Variants in GPC6 observed in about 807,000 individuals in gnomAD.
GPC6 encodes glypican-6.
In GPC6, 14 loss-of-function variants were observed where a neutral mutation model predicts 55.2. That is an observed-to-expected ratio of 0.25 (90% CI 0.17 to 0.40). GPC6 has a LOEUF of 0.40. Ranked by LOEUF, GPC6 falls within the 10% of genes least tolerant of loss-of-function variation. The probability of loss-of-function intolerance (pLI) is 1.00; values close to 1 mark genes in which losing one functional copy is unlikely to be tolerated. For synonymous variants in GPC6, 278 were observed against 259.6 expected (o/e 1.07, Z -0.68); for missense variants, 641 against 708.5 (o/e 0.90, Z 1.08).
intron 4 of GPC6, among the ~76,000 whole-genome samples, chr13:94,207,894 A>C (rs374169834): frequency 6.6e-6 from 1 of 152,176 alleles, no homozygotes; most frequent in Non-Finnish European, 1.5e-5. Flanking sequence ...CTTTTGCACC[A>C]ACCTTACATT....
chr13:93,247,217 T>C (rs942629083), intron 1 of GPC6, among the ~76,000 whole-genome samples: 5 of 152,202 alleles, frequency 3.3e-5, no homozygotes, highest in African/African-American at 4.8e-5. Context: ...TTTAGATACC[T>C]ACAAGCTATA....
At chr13:93,857,315 G>A (rs1021731201) in intron 3 of GPC6, among the ~76,000 whole-genome samples, 10 of 151,426 alleles carry the variant, frequency 6.6e-5, no homozygotes, top group Non-Finnish European at 1.2e-4. Context: ...AATATCAGAG[G>A]TGTTGCATAA....
chr13:93,854,099 G>C (rs1275256009), intron 3 of GPC6, among the ~76,000 whole-genome samples: 1 of 151,602 alleles, frequency 6.6e-6, no homozygotes, highest in Admixed American at 6.6e-5. Flanking sequence ...CTATGCAAAG[G>C]TTGGGGTGTT....
chr13:93,302,892 T>C (rs2139096608), intron 1 of GPC6, among the ~76,000 whole-genome samples: 1 of 152,310 alleles, frequency 6.6e-6, no homozygotes, highest in South Asian at 2.1e-4. Context: ...GCCTCCTAAG[T>C]AGCAGTCACC....
chr13:93,814,744 A>T (rs1886796639), intron 2 of GPC6, among the ~76,000 whole-genome samples: 2 of 152,200 alleles, frequency 1.3e-5, no homozygotes. Context: ...TATTATCTCC[A>T]CAGCACCTTG....
intron 2 of GPC6, among the ~76,000 whole-genome samples, chr13:93,618,115 T>C (rs779286396): frequency 6.6e-6 from 1 of 152,090 alleles, no homozygotes. Flanking sequence ...GAAAGCTGGC[T>C]AATGTTTGTA....
At chr13:93,385,941 A>T (rs9516228) in intron 1 of GPC6, among the ~76,000 whole-genome samples, 28,666 of 151,812 alleles carry the variant, frequency 0.19, 3,478 homozygotes, top group East Asian at 0.53. Flanking sequence ...TATTCTATAA[A>T]AAGGAAAATA....
intron 1 of GPC6, among the ~76,000 whole-genome samples, chr13:93,247,204 G>A (rs1424283326): frequency 3.9e-5 from 6 of 151,934 alleles, no homozygotes; most frequent in African/African-American, 9.7e-5. Flanking sequence ...TTTTGAGATC[G>A]CTTTTAGATA....
chr13:93,415,103 A>G lies in GPC6; in HGVS notation c.161-130160A>G, dbSNP rs533265243. On this transcript the variant is annotated intron_variant, in intron 1 of 8. Coordinates refer to ENST00000377047, the MANE Select transcript of GPC6 (RefSeq NM_005708.5). ...TACCATGACAGACTCAACTGCATTC[A>G]AATTCTGGCTCTGATATCTGCTGTG... Among the ~76,000 whole-genome samples the G allele has an allele frequency of 4.6e-5, 7 of 152,250 alleles. No homozygotes were observed. In the East Asian group the frequency reaches 1.2e-3, roughly 25 times the overall value.
chr13:93,464,691 A>C (rs1318839105), intron 1 of GPC6, among the ~76,000 whole-genome samples: 1 of 152,168 alleles, frequency 6.6e-6, no homozygotes, highest in Non-Finnish European at 1.5e-5. Context: ...GTTGGAATCA[A>C]ATTCTTCCAA....
At position 93,912,751 on chromosome 13, in the gene GPC6, C is replaced by G. The variant is rs547090705; in HGVS notation, c.711+82206C>G. Among the ~76,000 whole-genome samples the G allele has an allele frequency of 2.0e-5, 3 of 152,126 alleles. No homozygotes were observed. In the South Asian group the frequency reaches 6.2e-4, roughly 32 times the overall value. On this transcript the variant is annotated intron_variant, in intron 3 of 8. Coordinates refer to ENST00000377047, the MANE Select transcript of GPC6 (RefSeq NM_005708.5). Reference sequence around the variant, plus strand: ...GATAGAGACTCCGTCTCAAAAAAAACAAAACAAAACAAAACAAGACAAATT... The same window carrying G: ...GATAGAGACTCCGTCTCAAAAAAAAGAAAACAAAACAAAACAAGACAAATT...
intron 8 of GPC6, among the ~76,000 whole-genome samples, chr13:94,401,502 C>T (rs1022134177): frequency 1.3e-5 from 2 of 151,894 alleles, no homozygotes; most frequent in Admixed American, 1.3e-4. Context: ...TACCCTGGGT[C>T]GACATACTCT....
chr13:94,173,448 A>G (rs1210717412), intron 4 of GPC6, among the ~76,000 whole-genome samples: 1 of 152,136 alleles, frequency 6.6e-6, no homozygotes, highest in Non-Finnish European at 1.5e-5. Flanking sequence ...TTCAAGTATC[A>G]GTTGGGTGGT....
At chr13:94,188,246 AAG>A (rs1224517689) in intron 4 of GPC6, among the ~76,000 whole-genome samples, 1 of 152,130 alleles carries the variant, frequency 6.6e-6, no homozygotes, top group Non-Finnish European at 1.5e-5. Flanking sequence ...CAGTGACACA[AAG>A]AGGGGAGTGG....
chr13:93,505,693 A>C (rs1296090229), intron 1 of GPC6, among the ~76,000 whole-genome samples: 1 of 152,232 alleles, frequency 6.6e-6, no homozygotes, highest in African/African-American at 2.4e-5. Flanking sequence ...TATATATGGC[A>C]CTAAATAGAC....
chr13:94,337,736 T>G (rs113985866), intron 6 of GPC6, among the ~76,000 whole-genome samples: 6,390 of 152,234 alleles, frequency 0.042, 209 homozygotes, highest in African/African-American at 0.088. Flanking sequence ...GCGTAATTCA[T>G]GATATACTTA....
At chr13:94,175,067 C>T (rs1888698636) in intron 4 of GPC6, among the ~76,000 whole-genome samples, 1 of 152,060 alleles carries the variant, frequency 6.6e-6, no homozygotes, top group South Asian at 2.1e-4. Flanking sequence ...TTTGCCTGTT[C>T]TGGAACTTCT....
In GPC6 at chr13:94,404,005, TC is replaced by T. The variant is rs1251323973; in HGVS notation, c.*792del. 1 of 152,270 alleles carries T rather than the reference TC, an allele frequency of 6.6e-6. No homozygotes were observed. Among genetic ancestry groups the T allele is most frequent in the Non-Finnish European group, 1.5e-5 (1 of 68,116 alleles). The allele number at this position is 152,270 out of a possible 1,614,324, so 9.4% of individuals were successfully genotyped here. A position where few individuals can be genotyped will look rare whatever the true frequency, so the allele number is the denominator to read the frequency against. ...CGCTGTATCCAATTGGCACAGATTT[TC>T]CCCTTCATCTTCAATTACTAGTAGC... On this transcript the variant is annotated 3_prime_UTR_variant, in exon 9 of 9. Transcript: ENST00000377047.
At chr13:93,775,562 T>A (rs558252247) in intron 2 of GPC6, among the ~76,000 whole-genome samples, 8 of 152,254 alleles carry the variant, frequency 5.3e-5, no homozygotes, top group Middle Eastern at 3.4e-3. Context: ...AGGCTGAGAG[T>A]GATCGTGGAG....
Sources: allele counts gnomAD v4.1 joint callset (sites outside exome capture counted in the v4.1 genomes callset), GRCh38; gene constraint gnomAD v4.1.1; transcripts MANE v1.5; gene names NCBI Gene and HGNC (gene_info 2026-07-23, HGNC 2026-07-21).